The following VEPH1 variants were observed in gnomAD, a reference collection of about 807,000 sequenced individuals.
VEPH1 encodes the protein ventricular zone-expressed PH domain-containing protein homolog 1.
Under a neutral mutation model 85.2 loss-of-function variants are expected in VEPH1, and 80 were observed. The observed-to-expected ratio is 0.94, with a 90% CI of 0.78 to 1.13. The LOEUF (loss-of-function observed/expected upper bound fraction) is 1.13. VEPH1 is among the 50% of genes most tolerant of loss of function. The pLI is 0.00. For synonymous variants in VEPH1, 297 were observed against 348.0 expected (o/e 0.85, Z 1.63); for missense variants, 955 against 980.5 (o/e 0.97, Z 0.35).
intron 6 of VEPH1, among the ~76,000 whole-genome samples, chr3:157,382,840 G>A (rs934448537): frequency 6.6e-6 from 1 of 151,868 alleles, no homozygotes; most frequent in Non-Finnish European, 1.5e-5. Context: ...TTTTATTTCA[G>A]TATCTTTTTG....
At chr3:157,399,444 AGATATCTATATCAT>A (rs1436835993) in intron 6 of VEPH1, among the ~76,000 whole-genome samples, 6 of 152,222 alleles carry the variant, frequency 3.9e-5, no homozygotes, top group African/African-American at 1.4e-4. Context: ...TTAGATATCT[AGATATCTATATCAT>A]TTTCTATTTG....
At chr3:157,339,472 T>C (rs1723293251) in intron 9 of VEPH1, among the ~76,000 whole-genome samples, 1 of 152,170 alleles carries the variant, frequency 6.6e-6, no homozygotes, top group Admixed American at 6.5e-5. Context: ...CACCCTGTGC[T>C]GTTGTTGCCA....
intron 11 of VEPH1, among the ~76,000 whole-genome samples, chr3:157,288,297 A>G (rs984098138): frequency 6.6e-6 from 1 of 152,108 alleles, no homozygotes; most frequent in South Asian, 2.1e-4. Flanking sequence ...ACACACTCTT[A>G]TCTTCTCTCT....
At chr3:157,387,241 T>C (rs1255037634) in intron 6 of VEPH1, among the ~76,000 whole-genome samples, 1 of 152,218 alleles carries the variant, frequency 6.6e-6, no homozygotes, top group Non-Finnish European at 1.5e-5. Flanking sequence ...AAAGGTGCTC[T>C]GCTATCCTTT....
intron 11 of VEPH1, among the ~76,000 whole-genome samples, chr3:157,297,896 G>A (rs756340922): frequency 3.3e-5 from 5 of 152,154 alleles, no homozygotes; most frequent in Admixed American, 2.6e-4. Context: ...TAATGAGGCT[G>A]AAATAAAAAG....
chr3:157,314,330 CAAAAAAAAA>C (rs34703314), intron 10 of VEPH1, among the ~76,000 whole-genome samples: 680 of 43,150 alleles, frequency 0.016, 4 homozygotes, highest in African/African-American at 0.031. Flanking sequence ...GAGGATCCGT[CAAAAAAAAA>C]AAAAAAAAAA....
At chr3:157,340,691 C>T (rs772641959) in intron 9 of VEPH1, among the ~76,000 whole-genome samples, 13 of 152,276 alleles carry the variant, frequency 8.5e-5, no homozygotes, top group Admixed American at 2.0e-4. Flanking sequence ...TCTCCCAGCA[C>T]GGAGTTTGAG....
intron 13 of VEPH1, 109 bp downstream of exon 13, chr3:157,265,417 A>G: frequency 8.0e-7 from 1 of 1,249,016 alleles, no homozygotes. Flanking sequence ...AAGATGGTGA[A>G]ATGGAGATGG....
chr3:157,475,273 G>A (rs1737365594), intron 2 of VEPH1, among the ~76,000 whole-genome samples: 1 of 150,310 alleles, frequency 6.7e-6, no homozygotes, highest in African/African-American at 2.5e-5. Flanking sequence ...GATTATAAGT[G>A]TGAGCCACCA....
chr3:157,397,492 T>C (rs1730492195), intron 6 of VEPH1, among the ~76,000 whole-genome samples: 2 of 152,214 alleles, frequency 1.3e-5, no homozygotes, highest in African/African-American at 4.8e-5. Flanking sequence ...TTAGTGGGAA[T>C]AGCATTGAAT....
rs533685335 is a variant in VEPH1 at position 157,394,167 on chromosome 3, G to C, written c.907-12791C>G. ...GATGGGTAAGGGACTAGCAAGGAAA[G>C]TGTCGACTGTTCAAAATGTCAATAC... On this transcript the variant is annotated intron_variant, in intron 6 of 13. Transcript: ENST00000362010. Among the ~76,000 whole-genome samples the C allele has an allele frequency of 1.1e-4, 16 of 152,330 alleles. No individual in the cohort carries two copies. The South Asian group carries it at 3.3e-3, about 32-fold the overall frequency.
intron 9 of VEPH1, among the ~76,000 whole-genome samples, chr3:157,327,670 T>C (rs1003392049): frequency 2.0e-5 from 3 of 152,094 alleles, no homozygotes; most frequent in African/African-American, 4.8e-5. Context: ...AGGGTTTGCA[T>C]GTGAGGGCGA....
chr3:157,335,011 C>T (rs1722832812), intron 9 of VEPH1, among the ~76,000 whole-genome samples: 1 of 152,192 alleles, frequency 6.6e-6, no homozygotes, highest in Non-Finnish European at 1.5e-5. Flanking sequence ...GCTAACTACA[C>T]TACAGACTTG....
intron 11 of VEPH1, among the ~76,000 whole-genome samples, chr3:157,299,518 C>T (rs191167919): frequency 7.1e-6 from 1 of 140,932 alleles, no homozygotes; most frequent in East Asian, 2.1e-4. Context: ...CATCATTGTG[C>T]TACTGCAGTC....
chr3:157,456,301 C>G (rs1478996641), intron 4 of VEPH1, among the ~76,000 whole-genome samples: 3 of 151,942 alleles, frequency 2.0e-5, no homozygotes, highest in Non-Finnish European at 4.4e-5. Context: ...TTCCTTTCAT[C>G]CTCTAGATTG....
chr3:157,371,964 T>C (rs115829074), intron 7 of VEPH1, among the ~76,000 whole-genome samples: 1,652 of 151,932 alleles, frequency 0.011, 33 homozygotes, highest in East Asian at 0.044. Context: ...ATAACACAAG[T>C]TACAAAATCA....
intron 4 of VEPH1, among the ~76,000 whole-genome samples, chr3:157,455,187 C>A (rs1426897730): frequency 6.6e-6 from 1 of 152,172 alleles, no homozygotes; most frequent in Non-Finnish European, 1.5e-5. Flanking sequence ...TCCACAGTGG[C>A]TGAACTGATG....
chr3:157,452,917 T>C (rs532901922), intron 4 of VEPH1, among the ~76,000 whole-genome samples: 11 of 152,334 alleles, frequency 7.2e-5, no homozygotes, highest in African/African-American at 2.2e-4. Flanking sequence ...ACTCCTCCTC[T>C]ACTCCCAATC....
At chr3:157,396,276 C>T (rs1027557145) in intron 6 of VEPH1, among the ~76,000 whole-genome samples, 1 of 152,122 alleles carries the variant, frequency 6.6e-6, no homozygotes, top group Non-Finnish European at 1.5e-5. Context: ...GATCTCATTC[C>T]TTTTTATGGC....
Sources: allele counts gnomAD v4.1 joint callset (sites outside exome capture counted in the v4.1 genomes callset), GRCh38; gene constraint gnomAD v4.1.1; transcripts MANE v1.5; gene names NCBI Gene and HGNC (gene_info 2026-07-23, HGNC 2026-07-21).